Variants in UEVLD observed in about 807,000 individuals in gnomAD.
UEVLD encodes the protein ubiquitin-conjugating enzyme E2 variant 3.
Under a neutral mutation model 58.6 loss-of-function variants are expected in UEVLD, and 47 were observed. The ratio of observed to expected loss-of-function variants is 0.80; its 90% CI spans 0.63 to 1.02. The LOEUF (loss-of-function observed/expected upper bound fraction) is 1.02. Ranked by LOEUF, UEVLD falls within the 50% of genes least tolerant of loss-of-function variation. The pLI is 0.00. For synonymous variants in UEVLD, 197 were observed against 195.3 expected, an observed-to-expected ratio of 1.01 and a Z score of -0.07; for missense variants, 510 against 550.6, an observed-to-expected ratio of 0.93 and a Z score of 0.74.
chr11:18,553,419 C>G (rs1470224718), intron 7 of UEVLD, among the ~76,000 whole-genome samples: 1 of 151,822 alleles, frequency 6.6e-6, no homozygotes. Flanking sequence ...TTACTTAGAG[C>G]TATATGTACT....
intron 1 of UEVLD, among the ~76,000 whole-genome samples, chr11:18,582,697 T>C (rs1009955766): frequency 6.6e-6 from 1 of 152,148 alleles, no homozygotes; most frequent in African/African-American, 2.4e-5. Flanking sequence ...GATTCCATAC[T>C]GGTCCTCACC....
At chr11:18,546,360 G>A (rs1438603751) in intron 8 of UEVLD, among the ~76,000 whole-genome samples, 1 of 151,970 alleles carries the variant, frequency 6.6e-6, no homozygotes, top group East Asian at 1.9e-4. Flanking sequence ...ATTGTATGCT[G>A]GAACCTTCTA....
intron 9 of UEVLD, 77 bp downstream of exon 9, chr11:18,544,546 A>T: frequency 5.4e-6 from 8 of 1,481,342 alleles, no homozygotes; most frequent in Non-Finnish European, 7.2e-6. Context: ...GGCTTCAAGC[A>T]ATCCTGCCTT....
At chr11:18,534,053 A>C (rs763317136) in intron 11 of UEVLD, among the ~76,000 whole-genome samples, 5 of 152,004 alleles carry the variant, frequency 3.3e-5, no homozygotes, top group African/African-American at 4.8e-5. Flanking sequence ...GGCTCAAGAG[A>C]TTTTCCCACC....
intron 4 of UEVLD, among the ~76,000 whole-genome samples, chr11:18,569,739 T>C (rs1852496221): frequency 6.6e-6 from 1 of 152,196 alleles, no homozygotes; most frequent in Admixed American, 6.5e-5. Flanking sequence ...AAACAAATAC[T>C]ACAGTTATAT....
chr11:18,546,507 T>G (rs1191970059), intron 8 of UEVLD, among the ~76,000 whole-genome samples: 1 of 61,668 alleles, frequency 1.6e-5, no homozygotes, highest in Non-Finnish European at 3.4e-5. Context: ...TTGTTTTTGT[T>G]TTTTTTTTTT....
chr11:18,561,365 T>A (rs1174096102), intron 6 of UEVLD, among the ~76,000 whole-genome samples: 1 of 139,044 alleles, frequency 7.2e-6, no homozygotes, highest in African/African-American at 2.7e-5. Context: ...AGGCTGAGGC[T>A]GGTGCATCAC....
At chr11:18,535,643 A>C (rs1199455763) in intron 10 of UEVLD, among the ~76,000 whole-genome samples, 1 of 152,208 alleles carries the variant, frequency 6.6e-6, no homozygotes, top group Non-Finnish European at 1.5e-5. Flanking sequence ...TTCTGTGTAG[A>C]GTCCTGCCTA....
intron 7 of UEVLD, among the ~76,000 whole-genome samples, chr11:18,555,251 C>A (rs1182424342): frequency 6.6e-6 from 1 of 151,984 alleles, no homozygotes; most frequent in Admixed American, 6.6e-5. Context: ...ATGGTGAAAC[C>A]CCATCTCTAC....
At chr11:18,558,642 G>A (rs903256857) in intron 6 of UEVLD, among the ~76,000 whole-genome samples, 9 of 151,904 alleles carry the variant, frequency 5.9e-5, no homozygotes, top group African/African-American at 2.2e-4. Context: ...AAACCAGCCA[G>A]GCATGGTGGC....
At chr11:18,533,242 C>A (rs1406959603) in intron 11 of UEVLD, among the ~76,000 whole-genome samples, 1 of 151,958 alleles carries the variant, frequency 6.6e-6, no homozygotes, top group Non-Finnish European at 1.5e-5. Context: ...ATCACACTCA[C>A]CCTACTGTGC....
rs544772533 is a variant in UEVLD at position 18,578,264 on chromosome 11, G to C, written c.127+460C>G. Among the ~76,000 whole-genome samples the C allele has an allele frequency of 3.3e-5, 5 of 152,310 alleles. No individual in the cohort carries two copies. The South Asian group carries it at 1.0e-3, about 32-fold the overall frequency. ...CGATTTGACTATAGAAGAATGGTTA[G>C]AGACATGCAACACTGCTGGCTCTGA... is the stretch of plus-strand genomic sequence containing the variant. On this transcript the variant is annotated intron_variant, in intron 2 of 11. Transcript: ENST00000396197.
rs1441494549 is a variant in UEVLD at position 18,533,532 on chromosome 11, GAA to G, written c.1248+796_1248+797del. Among the ~76,000 whole-genome samples the G allele has an allele frequency of 4.0e-5, 6 of 150,458 alleles. No homozygotes were observed. In the East Asian group the frequency reaches 1.2e-3, roughly 30 times the overall value. On this transcript the variant is annotated intron_variant, in intron 11 of 11. Transcript: ENST00000396197. ...CACTATTTGGGGGTTACATGAGTAA[GAA>G]TATGTGATATTTGTCTTTCTGGCAC... is the stretch of plus-strand genomic sequence containing the variant.
At chr11:18,564,723 A>G (rs1159826542) in intron 6 of UEVLD, among the ~76,000 whole-genome samples, 169 bp downstream of exon 6, 1 of 152,228 alleles carries the variant, frequency 6.6e-6, no homozygotes, top group African/African-American at 2.4e-5. Flanking sequence ...TTAAAAGGCA[A>G]CATCACTGAT....
At chr11:18,561,817 G>A (rs1187353557) in intron 6 of UEVLD, among the ~76,000 whole-genome samples, 1 of 149,848 alleles carries the variant, frequency 6.7e-6, no homozygotes, top group African/African-American at 2.5e-5. Flanking sequence ...GGGGAACAGG[G>A]CGAGACTTCG....
At chr11:18,571,269 C>T (rs1852594713) in intron 3 of UEVLD, among the ~76,000 whole-genome samples, 1 of 152,140 alleles carries the variant, frequency 6.6e-6, no homozygotes, top group Middle Eastern at 3.2e-3. Context: ...ATGGCTTGAA[C>T]TCAGGAGGCA....
At chr11:18,565,072 T>TAA in intron 5 of UEVLD, 62 bp from the exon 6 acceptor site, 2 of 1,233,560 alleles carry the variant, frequency 1.6e-6, no homozygotes, top group African/African-American at 3.0e-5. Context: ...TTAGGATCTT[T>TAA]AAAAAAAATA....
chr11:18,565,900 CTTT>C (rs1178580117), intron 5 of UEVLD, among the ~76,000 whole-genome samples: 10 of 135,830 alleles, frequency 7.4e-5, no homozygotes, highest in Non-Finnish European at 9.4e-5. Context: ...CTTTTTTTTT[CTTT>C]TTTTTTTTTT....
At chr11:18,560,249 C>T (rs1244235782) in intron 6 of UEVLD, among the ~76,000 whole-genome samples, 3 of 151,994 alleles carry the variant, frequency 2.0e-5, no homozygotes, top group African/African-American at 4.8e-5. Context: ...TTATGTGACA[C>T]AGGGCTTGCA....
Sources: allele counts gnomAD v4.1 joint callset (sites outside exome capture counted in the v4.1 genomes callset), GRCh38; gene constraint gnomAD v4.1.1; transcripts MANE v1.5; gene names NCBI Gene and HGNC (gene_info 2026-07-23, HGNC 2026-07-21).